STPG2: variants seen among roughly 807,000 people sequenced by gnomAD.
STPG2 encodes sperm tail PG-rich repeat containing 2, also known as sperm-tail PG-rich repeat-containing protein 2.
A neutral mutation model predicts 54.2 loss-of-function variants in STPG2; 56 were observed. The observed-to-expected ratio is 1.03, with a 90% CI of 0.83 to 1.29. STPG2 has a LOEUF of 1.29. STPG2 is among the 50% of genes most tolerant of loss of function. The pLI is 0.00. For synonymous variants in STPG2, 200 were observed against 181.8 expected (o/e 1.10, Z -0.81); for missense variants, 596 against 544.9 (o/e 1.09, Z -0.93).
intron 9 of STPG2, among the ~76,000 whole-genome samples, chr4:97,806,792 C>T (rs1267820785): frequency 6.6e-6 from 1 of 152,060 alleles, no homozygotes; most frequent in African/African-American, 2.4e-5. Flanking sequence ...CTTCTTTATG[C>T]TCTTCTTAAG....
At chr4:97,921,206 C>T (rs1365718411) in intron 8 of STPG2, among the ~76,000 whole-genome samples, 3 of 152,078 alleles carry the variant, frequency 2.0e-5, no homozygotes, top group African/African-American at 4.8e-5. Flanking sequence ...TTGCCATGCA[C>T]CCCTGACCAA....
At chr4:97,605,610 A>T (rs969961988) in intron 10 of STPG2, among the ~76,000 whole-genome samples, 4 of 151,750 alleles carry the variant, frequency 2.6e-5, no homozygotes, top group African/African-American at 9.7e-5. Flanking sequence ...GAAGTTTTGC[A>T]TAGAGGTATT....
At chr4:97,884,641 C>G (rs1178238479) in intron 8 of STPG2, among the ~76,000 whole-genome samples, 1 of 151,732 alleles carries the variant, frequency 6.6e-6, no homozygotes, top group African/African-American at 2.4e-5. Context: ...CACTAGCAAA[C>G]TAATACACAA....
At chr4:97,896,570 G>A (rs1025477394) in intron 8 of STPG2, among the ~76,000 whole-genome samples, 3 of 151,626 alleles carry the variant, frequency 2.0e-5, no homozygotes, top group Non-Finnish European at 4.4e-5. Flanking sequence ...CTATTCTTAA[G>A]TTATAATGGA....
At chr4:97,648,396 T>C (rs1721974451) in intron 10 of STPG2, among the ~76,000 whole-genome samples, 1 of 152,164 alleles carries the variant, frequency 6.6e-6, no homozygotes, top group Non-Finnish European at 1.5e-5. Context: ...AGATATTTGC[T>C]GAATAAGTGA....
intron 9 of STPG2, among the ~76,000 whole-genome samples, chr4:97,725,756 A>T (rs979222552): frequency 6.6e-6 from 1 of 151,956 alleles, no homozygotes; most frequent in African/African-American, 2.4e-5. Flanking sequence ...TGCTTAAAAA[A>T]GATAGAATTC....
rs1408183214 is a variant in STPG2, at chr4:97,996,508, A to G, written c.613-15190T>C. Among the ~76,000 whole-genome samples, 3 of 144,680 alleles carry G rather than the reference A, an allele frequency of 2.1e-5. No homozygotes were observed. The East Asian group carries it at 6.0e-4, about 29-fold the overall frequency. 94.9% of individuals were successfully genotyped at this position (144,680 alleles called of 152,430 possible). On this transcript the variant is annotated intron_variant, in intron 5 of 10. Coordinates refer to ENST00000295268, the MANE Select transcript of STPG2 (RefSeq NM_174952.3). ...AAATCTAAAACTATAAAATTCCTGA[A>G]AGATAACTCAGGAAATACCCTTTTG... is the stretch of plus-strand genomic sequence containing the variant.
chr4:97,693,135 A>T (rs1375351687), intron 10 of STPG2, among the ~76,000 whole-genome samples: 2 of 126,804 alleles, frequency 1.6e-5, no homozygotes, highest in Admixed American at 1.5e-4. Context: ...AATAACAATG[A>T]TAAAAAAAAA....
At chr4:97,611,822 T>C (rs971830387) in intron 10 of STPG2, among the ~76,000 whole-genome samples, 1 of 151,800 alleles carries the variant, frequency 6.6e-6, no homozygotes, top group Admixed American at 6.6e-5. Flanking sequence ...ATATGGATTA[T>C]AGTTACATGC....
chr4:98,121,679 G>A (rs1001848225), intron 3 of STPG2, among the ~76,000 whole-genome samples: 2 of 151,392 alleles, frequency 1.3e-5, no homozygotes, highest in Non-Finnish European at 2.9e-5. Context: ...TTATGATTTA[G>A]CTCTCTGCTT....
chr4:97,655,812 T>C (rs946914655), intron 10 of STPG2, among the ~76,000 whole-genome samples: 1 of 152,148 alleles, frequency 6.6e-6, no homozygotes, highest in Admixed American at 6.5e-5. Context: ...CTTAATGCCT[T>C]GTCATATTTT....
chr4:97,905,718 G>C (rs892910210), intron 8 of STPG2, among the ~76,000 whole-genome samples: 6 of 151,996 alleles, frequency 3.9e-5, no homozygotes, highest in Non-Finnish European at 8.8e-5. Flanking sequence ...CCCATCTCAC[G>C]TGCAGAGACA....
intron 4 of STPG2, among the ~76,000 whole-genome samples, chr4:97,546,239 A>G (rs1234406835): frequency 3.9e-5 from 6 of 151,994 alleles, no homozygotes; most frequent in Non-Finnish European, 8.8e-5. Flanking sequence ...ATATAAAATA[A>G]TGAATACTAA....
At chr4:97,559,155 C>G in intron 10 of STPG2, 38 bp from the exon 11 acceptor site, 1 of 1,346,046 alleles carries the variant, frequency 7.4e-7, no homozygotes, top group Non-Finnish European at 1.0e-6. Context: ...AGGAAAACAT[C>G]TACTTACAAA....
At chr4:97,921,753 G>C (rs1036013381) in intron 8 of STPG2, among the ~76,000 whole-genome samples, 1 of 152,130 alleles carries the variant, frequency 6.6e-6, no homozygotes. Context: ...ATCTGGAGTA[G>C]AAAATGAACA....
chr4:97,842,679 T>C (rs1015578254), intron 8 of STPG2, among the ~76,000 whole-genome samples: 1 of 151,916 alleles, frequency 6.6e-6, no homozygotes, highest in Non-Finnish European at 1.5e-5. Flanking sequence ...GACAAGAAAC[T>C]GCATCAGTGA....
At chr4:97,462,858 GAACTCC>G (rs1401022582) in intron 4 of STPG2, among the ~76,000 whole-genome samples, 11 of 152,038 alleles carry the variant, frequency 7.2e-5, no homozygotes, top group Non-Finnish European at 1.5e-5. Flanking sequence ...TATGGACTGA[GAACTCC>G]AGTATAGAAT....
At chr4:97,675,507 G>C (rs1030713424) in intron 10 of STPG2, among the ~76,000 whole-genome samples, 27 of 152,040 alleles carry the variant, frequency 1.8e-4, no homozygotes, top group Non-Finnish European at 7.4e-5. Flanking sequence ...AGCTTGACAG[G>C]CCTCTTTGAA....
rs904186276 is a variant in STPG2, at chr4:97,946,190, A to G, written c.934-2183T>C. On this transcript the variant is annotated intron_variant, in intron 7 of 10. Coordinates refer to ENST00000295268, the MANE Select transcript of STPG2 (RefSeq NM_174952.3). The stretch of plus-strand genomic sequence containing the variant: ...TCATATATTTGCTGGCCATTTGTAT[A>G]TCTTCTTTTAATAAATATCTATTCA... Among the ~76,000 whole-genome samples the G allele has an allele frequency of 2.0e-5, 3 of 152,204 alleles. No individual in the cohort carries two copies. The East Asian group carries it at 5.8e-4, about 29-fold the overall frequency.
Sources: gnomAD v4.1 joint callset for allele counts (sites outside exome capture counted in the v4.1 genomes callset) on GRCh38, gnomAD v4.1.1 for gene constraint, MANE v1.5 for transcripts, NCBI Gene and HGNC (gene_info 2026-07-23, HGNC 2026-07-21) for gene names.